The following GLDC variants were observed in gnomAD, a reference collection of about 807,000 sequenced individuals.
The protein encoded by GLDC is glycine decarboxylase.
A neutral mutation model predicts 121.3 loss-of-function variants in GLDC; 104 were observed. The ratio of observed to expected loss-of-function variants is 0.86; its 90% CI spans 0.73 to 1.01. The LOEUF is 1.01. GLDC is among the 50% of genes least tolerant of loss of function. GLDC has a pLI of 0.00. For synonymous variants in GLDC, 546 were observed against 480.6 expected (o/e 1.14, Z -1.78); for missense variants, 1,429 against 1,306.6 (o/e 1.09, Z -1.44).
In GLDC at chr9:6,604,618, A is replaced by T; in HGVS notation, c.1028T>A (p.Met343Lys). 6.2e-7 allele frequency: 1 copy of T among 1,613,120 alleles called. No homozygotes were observed. Among genetic ancestry groups the T allele is most frequent in the Non-Finnish European group, 8.5e-7 (1 of 1,179,958 alleles). The change falls in exon 7 of 25, where the codon ATG (methionine) becomes AAG (lysine). Residue 343 changes from methionine to lysine, a missense_variant. Coordinates refer to ENST00000321612, the MANE Select transcript of GLDC (RefSeq NM_000170.3). ...TACCCCCACCATTCTTCCAGGCATC[A>T]TTCTCACCAAGCTTTCTCGGACAGC... ...FFAVRESLVR[M>K]MPGRMVGVTR...
At chr9:6,538,225 C>G (rs1817177738) in intron 22 of GLDC, among the ~76,000 whole-genome samples, 1 of 151,960 alleles carries the variant, frequency 6.6e-6, no homozygotes, top group Admixed American at 6.6e-5. Context: ...TATTTTGAAC[C>G]ACCTGAGAAG....
At chr9:6,577,829 G>A (rs1173388274) in intron 15 of GLDC, among the ~76,000 whole-genome samples, 1 of 150,830 alleles carries the variant, frequency 6.6e-6, no homozygotes, top group African/African-American at 2.4e-5. Context: ...TTTTTTGCTC[G>A]AATCCTGATT....
chr9:6,533,091 G>A lies in GLDC; in HGVS notation c.2989C>T (p.His997Tyr). Residue 997 changes from histidine to tyrosine, a missense_variant, in exon 25 of 25, where the codon CAC becomes TAC. By Grantham distance (83) the His-to-Tyr change is moderately conservative. Coordinates refer to ENST00000321612, the MANE Select transcript of GLDC (RefSeq NM_000170.3). Reference protein sequence around the residue: ...ARIDDIYGDQHLVCTCPPMEV... With the variant: ...ARIDDIYGDQYLVCTCPPMEV... ...ATGGGTGGGCAGGTACAAACCAGGT[G>A]CTGATCTCCATATATGTCATCAATC... 1 of 1,610,722 alleles carries A rather than the reference G, an allele frequency of 6.2e-7. No individual in the cohort carries two copies. The highest frequency in any genetic ancestry group is 8.5e-7 in the Non-Finnish European group (1 of 1,176,930).
At chr9:6,546,042 ATT>A (rs1817381161) in intron 21 of GLDC, among the ~76,000 whole-genome samples, 3 of 152,088 alleles carry the variant, frequency 2.0e-5, no homozygotes, top group Admixed American at 2.0e-4. Context: ...GTACAAAAAT[ATT>A]TTCTTTTTCA....
chr9:6,593,624 C>T (rs992233688), intron 9 of GLDC, among the ~76,000 whole-genome samples: 1 of 151,332 alleles, frequency 6.6e-6, no homozygotes, highest in African/African-American at 2.4e-5. Context: ...TCCTATAGAT[C>T]ACTATTTTAA....
intron 15 of GLDC, among the ~76,000 whole-genome samples, chr9:6,585,753 C>T (rs965610523): frequency 6.6e-6 from 1 of 152,096 alleles, no homozygotes; most frequent in Non-Finnish European, 1.5e-5. Context: ...GGGGCAGATA[C>T]CATAACTCAT....
At chr9:6,538,331 TG>T (rs764377870) in intron 22 of GLDC, among the ~76,000 whole-genome samples, 2 of 152,212 alleles carry the variant, frequency 1.3e-5, no homozygotes, top group Non-Finnish European at 2.9e-5. Flanking sequence ...CAGGTGATTC[TG>T]ATAATTGGTC....
At chr9:6,638,190 T>C (rs2130006809) in intron 2 of GLDC, among the ~76,000 whole-genome samples, 1 of 152,024 alleles carries the variant, frequency 6.6e-6, no homozygotes, top group South Asian at 2.1e-4. Context: ...GTACTGCCTT[T>C]GCTTGAGTTT....
intron 22 of GLDC, among the ~76,000 whole-genome samples, chr9:6,537,366 C>T (rs187329200): frequency 5.0e-4 from 76 of 152,332 alleles, no homozygotes; most frequent in Middle Eastern, 3.4e-3. Context: ...TGATACACCT[C>T]TGAACTAATC....
Position 6,534,605 on chromosome 9 carries a change from C to G in GLDC, c.2919+103G>C, listed in dbSNP as rs1276502616. On this transcript the variant is annotated intron_variant, in intron 24 of 24. Transcript: ENST00000321612. ...CAAGACCCTTATTTCACAAGGTGCC[C>G]CACATATGGTTTCTGTAATCATGAG... 4.2e-6 allele frequency: 3 copies of G among 719,402 alleles called. No homozygotes were observed. In the African/African-American group the frequency reaches 5.2e-5, roughly 13 times the overall value. 44.6% of individuals were successfully genotyped at this position (719,402 alleles called of 1,614,324 possible).
At chr9:6,574,879 G>A (rs1587937542) in intron 15 of GLDC, among the ~76,000 whole-genome samples, 2 of 152,198 alleles carry the variant, frequency 1.3e-5, no homozygotes, top group South Asian at 4.2e-4. Flanking sequence ...GAGGGAGACG[G>A]CAAATAGTGG....
intron 11 of GLDC, 120 bp from the exon 12 acceptor site, chr9:6,589,412 C>CTTAT (rs200773458): frequency 0.011 from 4,890 of 454,294 alleles, 54 homozygotes; most frequent in African/African-American, 0.021. Flanking sequence ...TATAATTTTA[C>CTTAT]TTATTTATTT....
intron 24 of GLDC, 134 bp downstream of exon 24, chr9:6,534,574 C>T (rs1048416328): frequency 1.5e-6 from 1 of 670,802 alleles, no homozygotes; most frequent in Non-Finnish European, 2.8e-6. Flanking sequence ...GCTCCTCATT[C>T]CTCTTCAAGA....
chr9:6,640,064 C>T (rs1005356812), intron 2 of GLDC, among the ~76,000 whole-genome samples: 1 of 152,184 alleles, frequency 6.6e-6, no homozygotes, highest in African/African-American at 2.4e-5. Context: ...GACAGCTTCC[C>T]TTGTAAACAA....
chr9:6,645,175 G>A, intron 1 of GLDC, 70 bp downstream of exon 1: 13 of 1,439,762 alleles, frequency 9.0e-6, no homozygotes, highest in Non-Finnish European at 1.2e-5. Flanking sequence ...GGTAGGAGCC[G>A]GGAGGCCGCG....
chr9:6,607,826 TA>T (rs1295598978), intron 4 of GLDC, among the ~76,000 whole-genome samples: 1 of 151,136 alleles, frequency 6.6e-6, no homozygotes, highest in Non-Finnish European at 1.5e-5. Context: ...ATTTTTGTAT[TA>T]AAAAAATAAA....
chr9:6,560,449 C>T (rs1178310008), intron 16 of GLDC, among the ~76,000 whole-genome samples: 1 of 152,166 alleles, frequency 6.6e-6, no homozygotes, highest in Non-Finnish European at 1.5e-5. Flanking sequence ...CTGGTTATGT[C>T]ACGTTGTCCT....
At chr9:6,614,702 T>A (rs957414847) in intron 3 of GLDC, among the ~76,000 whole-genome samples, 5 of 152,126 alleles carry the variant, frequency 3.3e-5, no homozygotes, top group Non-Finnish European at 7.3e-5. Context: ...ATCTTATTAA[T>A]TTTCTACAGT....
chr9:6,592,182 C>G lies in GLDC; in HGVS notation c.1443G>C (p.Leu481=), dbSNP rs1334045011. 6 of 1,609,004 alleles carry G rather than the reference C, an allele frequency of 3.7e-6. No individual in the cohort carries two copies. In the Admixed American group the frequency reaches 5.0e-5, roughly 13 times the overall value. Residue 481 remains leucine (L), a synonymous_variant, in exon 11 of 25, where the codon CTG becomes CTC. Coordinates refer to ENST00000321612, the MANE Select transcript of GLDC (RefSeq NM_000170.3). ...AACCAAAGATCCACAACAAATCGTC[C>G]AGATCTTTTTCATTGACTGTTTCAT... ...SLDETVNEKD[L]DDLLWIFGCE...
Sources: allele counts gnomAD v4.1 joint callset (sites outside exome capture counted in the v4.1 genomes callset), GRCh38; gene constraint gnomAD v4.1.1; transcripts MANE v1.5; gene names NCBI Gene and HGNC (gene_info 2026-07-23, HGNC 2026-07-21).